Variants in WDR44 observed in about 807,000 individuals in gnomAD.
The protein encoded by WDR44 is WD repeat-containing protein 44.
WDR44 carries 9 observed loss-of-function variants against 65.7 expected under a neutral mutation model. The ratio of observed to expected loss-of-function variants is 0.14; its 90% CI spans 0.08 to 0.24. The LOEUF (loss-of-function observed/expected upper bound fraction) is 0.24, where lower values mean the gene tolerates loss of function less well. Ranked by LOEUF, WDR44 falls within the 10% of genes least tolerant of loss-of-function variation. The pLI is 1.00. For synonymous variants in WDR44, 220 were observed against 235.2 expected (o/e 0.94, Z 0.59); for missense variants, 425 against 670.9 (o/e 0.63, Z 4.05).
intron 13 of WDR44, among the ~76,000 whole-genome samples, chrX:118,435,332 C>T (rs1170264497): frequency 4.4e-5 from 5 of 112,540 alleles, no homozygotes; most frequent in Non-Finnish European, 7.5e-5. Context: ...GGCTGGAGTG[C>T]AGTGGCACGA....
chrX:118,373,655 T>C (rs6646178), intron 1 of WDR44, among the ~76,000 whole-genome samples: 17,534 of 110,766 alleles, frequency 0.16, 2,501 homozygotes, highest in African/African-American at 0.44. Flanking sequence ...TTATCTTCTT[T>C]TAAGTCCTTA....
At chrX:118,423,178 T>G (rs1486426678) in intron 12 of WDR44, among the ~76,000 whole-genome samples, 3 of 111,417 alleles carry the variant, frequency 2.7e-5, no homozygotes, top group East Asian at 5.6e-4. Flanking sequence ...TAAAGTTGTT[T>G]TTTTTTTGAG....
chrX:118,421,024 A>G, intron 12 of WDR44, among the ~76,000 whole-genome samples: 1 of 111,246 alleles, frequency 9.0e-6, no homozygotes, highest in South Asian at 3.8e-4. Context: ...CTGCCTGTGG[A>G]CCTTATTCCT....
intron 12 of WDR44, among the ~76,000 whole-genome samples, chrX:118,431,288 G>GTTTAT (rs2057208164): frequency 9.0e-6 from 1 of 111,211 alleles, no homozygotes; most frequent in African/African-American, 3.3e-5. Flanking sequence ...CCTTTTTATT[G>GTTTAT]TTTATTTTAT....
rs771456375 is a variant in WDR44 at position 118,419,252 on chromosome X, A to G, written c.1737+8293A>G. On this transcript the variant is annotated intron_variant, in intron 12 of 19. Transcript: ENST00000254029. ...TTCAGCTGGAGACTTCCTTCTCCCT[A>G]TAGTGTTTCCCCTCCTATTCCTCTG... is the stretch of plus-strand genomic sequence containing the variant. Among the ~76,000 whole-genome samples the G allele has an allele frequency of 7.6e-4, 85 of 111,535 alleles. 1 individual carries two copies. Among genetic ancestry groups the G allele is most frequent in the African/African-American group, 2.6e-3 (81 of 30,764 alleles).
At chrX:118,403,925 T>C (rs1182283472) in intron 8 of WDR44, among the ~76,000 whole-genome samples, 1 of 112,097 alleles carries the variant, frequency 8.9e-6, no homozygotes, top group African/African-American at 3.2e-5. Context: ...TTACTCTTTA[T>C]TGGTAAAATG....
At chrX:118,388,864 A>T (rs986259906) in intron 3 of WDR44, among the ~76,000 whole-genome samples, 4 of 111,790 alleles carry the variant, frequency 3.6e-5, no homozygotes, top group African/African-American at 1.3e-4. Flanking sequence ...GATTTTCCTC[A>T]TACTTCTATA....
intron 5 of WDR44, among the ~76,000 whole-genome samples, 181 bp from the exon 6 acceptor site, chrX:118,395,068 G>A (rs1341640530): frequency 1.8e-5 from 2 of 111,647 alleles, no homozygotes; most frequent in Admixed American, 9.6e-5. Flanking sequence ...CAATAGTTTT[G>A]GTTCCTAATG....
intron 12 of WDR44, among the ~76,000 whole-genome samples, chrX:118,420,339 G>A (rs770587098): frequency 2.7e-5 from 3 of 110,351 alleles, no homozygotes; most frequent in South Asian, 3.8e-4. Flanking sequence ...TGCAACCTGC[G>A]CCTCCCGGGT....
rs184104288 is a variant in WDR44 at position 118,405,435 on chromosome X, G to A, written c.1381+991G>A. On this transcript the variant is annotated intron_variant, in intron 9 of 19. Coordinates refer to ENST00000254029, the MANE Select transcript of WDR44 (RefSeq NM_019045.5). ...GCTCACTTCAACCTCTGCCTCCTGG[G>A]TTCAAACAATTCTCCTGCCTCAGCC... Among the ~76,000 whole-genome samples, 477 of 109,755 alleles carry A rather than the reference G, an allele frequency of 4.3e-3. 1 individual carries two copies. Among genetic ancestry groups the A allele is most frequent in the African/African-American group, 0.015 (449 of 30,150 alleles).
intron 1 of WDR44, among the ~76,000 whole-genome samples, chrX:118,377,292 C>T (rs751191113): frequency 4.6e-5 from 5 of 107,580 alleles, no homozygotes; most frequent in Non-Finnish European, 7.7e-5. Context: ...ACCAGGAGGT[C>T]GAGGCTGCAG....
chrX:118,390,706 A>C (rs2147700569), intron 3 of WDR44, among the ~76,000 whole-genome samples: 1 of 111,247 alleles, frequency 9.0e-6, no homozygotes, highest in East Asian at 2.8e-4. Context: ...CTTGTTTCCT[A>C]CTCCACGTAA....
chrX:118,391,284 T>C (rs895595920), intron 3 of WDR44, among the ~76,000 whole-genome samples: 6 of 112,267 alleles, frequency 5.3e-5, no homozygotes, highest in African/African-American at 1.9e-4. Context: ...ATCACTGTTA[T>C]CATTGAGGTT....
At chrX:118,381,257 T>C (rs765550784) in intron 2 of WDR44, among the ~76,000 whole-genome samples, 25 of 111,257 alleles carry the variant, frequency 2.2e-4, no homozygotes, top group South Asian at 7.7e-4. Flanking sequence ...TCACCTGAGG[T>C]CAGGAGTTAG....
At chrX:118,375,145 G>A (rs1319182145) in intron 1 of WDR44, among the ~76,000 whole-genome samples, 1 of 110,931 alleles carries the variant, frequency 9.0e-6, no homozygotes, top group Non-Finnish European at 1.9e-5. Context: ...TTTGAAACTA[G>A]TGGCACACAA....
chrX:118,423,297 T>A (rs2057120436), intron 12 of WDR44, among the ~76,000 whole-genome samples: 1 of 110,776 alleles, frequency 9.0e-6, no homozygotes, highest in South Asian at 3.9e-4. Context: ...GCCTCCCAAG[T>A]AGCTGGAATT....
At chrX:118,402,777 C>T (rs774320386) in intron 8 of WDR44, among the ~76,000 whole-genome samples, 3 of 112,001 alleles carry the variant, frequency 2.7e-5, no homozygotes, top group Admixed American at 9.5e-5. Flanking sequence ...AAAAGACATT[C>T]GTGGTCTCTG....
intron 6 of WDR44, 53 bp downstream of exon 6, chrX:118,395,397 T>C: frequency 2.9e-6 from 3 of 1,029,615 alleles, no homozygotes; most frequent in Non-Finnish European, 4.0e-6. Context: ...ACAAAAAACA[T>C]AATGGGAAGA....
At chrX:118,361,720 T>C (rs1368426766) in intron 1 of WDR44, among the ~76,000 whole-genome samples, 1 of 111,931 alleles carries the variant, frequency 8.9e-6, no homozygotes, top group African/African-American at 3.2e-5. Flanking sequence ...CATGCCACAC[T>C]GCACTACAGT....
Sources: gnomAD v4.1 joint callset for allele counts (sites outside exome capture counted in the v4.1 genomes callset) on GRCh38, gnomAD v4.1.1 for gene constraint, MANE v1.5 for transcripts, NCBI Gene and HGNC (gene_info 2026-07-23, HGNC 2026-07-21) for gene names.